SHROOM2: variants seen among roughly 807,000 people sequenced by gnomAD.
The protein encoded by SHROOM2 is protein Shroom2.
A neutral mutation model predicts 75.9 loss-of-function variants in SHROOM2; 33 were observed. The observed-to-expected ratio is 0.43, with a 90% CI of 0.33 to 0.58. The LOEUF (loss-of-function observed/expected upper bound fraction) is 0.58. Among genes scored for constraint, SHROOM2 ranks in the 20% least tolerant of loss-of-function variants. SHROOM2 has a pLI of 0.04. For synonymous variants in SHROOM2, 655 were observed against 663.6 expected, an observed-to-expected ratio of 0.99 and a Z score of 0.20; for missense variants, 1,434 against 1,461.2, an observed-to-expected ratio of 0.98 and a Z score of 0.30.
intron 6 of SHROOM2, among the ~76,000 whole-genome samples, chrX:9,936,722 G>A (rs1182986346): frequency 8.9e-6 from 1 of 112,048 alleles, no homozygotes; most frequent in East Asian, 2.8e-4. Flanking sequence ...AAGGACGGAT[G>A]GGAATCCTGG....
intron 1 of SHROOM2, among the ~76,000 whole-genome samples, chrX:9,827,041 G>A (rs1382861762): frequency 9.1e-6 from 1 of 109,933 alleles, no homozygotes; most frequent in Non-Finnish European, 1.9e-5. Flanking sequence ...GTGAAACCTT[G>A]GCTGTGCTCC....
intron 1 of SHROOM2, among the ~76,000 whole-genome samples, chrX:9,872,243 T>C (rs1168062089): frequency 1.8e-5 from 2 of 112,616 alleles, no homozygotes; most frequent in Non-Finnish European, 3.8e-5. Context: ...TCTACTTTAC[T>C]GTATAGGAAA....
chrX:9,886,166 G>A (rs2084259894), intron 2 of SHROOM2, among the ~76,000 whole-genome samples: 1 of 111,824 alleles, frequency 8.9e-6, no homozygotes, highest in South Asian at 3.7e-4. Flanking sequence ...ATTTTCTGAA[G>A]GCATGGAAGT....
intron 5 of SHROOM2, among the ~76,000 whole-genome samples, chrX:9,903,470 A>G (rs2084375358): frequency 8.9e-6 from 1 of 112,164 alleles, no homozygotes; most frequent in South Asian, 3.7e-4. Flanking sequence ...TAACACCCTC[A>G]CCCCAGAAGG....
At chrX:9,855,295 TAAAAAAA>T (rs57235424) in intron 1 of SHROOM2, among the ~76,000 whole-genome samples, 10 of 39,297 alleles carry the variant, frequency 2.5e-4, no homozygotes, top group Admixed American at 1.3e-3. Flanking sequence ...TAAAGTATAG[TAAAAAAA>T]AAAAAAAAAA....
chrX:9,929,555 C>T (rs868178202), intron 5 of SHROOM2, among the ~76,000 whole-genome samples: 29 of 111,747 alleles, frequency 2.6e-4, no homozygotes, highest in African/African-American at 9.1e-4. Context: ...TGTCATTGTT[C>T]ACTTCTCACA....
At chrX:9,810,226 T>G (rs992697405) in intron 1 of SHROOM2, among the ~76,000 whole-genome samples, 7 of 107,328 alleles carry the variant, frequency 6.5e-5, no homozygotes, top group Non-Finnish European at 1.3e-4. Context: ...TGGTTGTGTG[T>G]TTTTTTTTGC....
At position 9,937,339 on chromosome X, in the gene SHROOM2, C is replaced by A; in HGVS notation, c.3793C>A (p.Arg1265=). ...CTACTCGCGCTTCTGTCTGTACACG[C>A]GGCAGGGTGCTGAGCCCGAGGCCCC... ...QFYSRFCLYT[R]QGAEPEAPHR... is the part of the protein sequence containing the mutation. Residue 1265 remains arginine (R), a synonymous_variant, in exon 7 of 10, where the codon CGG becomes AGG. Transcript: ENST00000380913. 1 of 1,205,066 alleles carries A rather than the reference C, an allele frequency of 8.3e-7. No individual in the cohort carries two copies. The highest frequency in any genetic ancestry group is 1.7e-5 in the African/African-American group (1 of 57,623).
At chrX:9,850,855 C>T (rs867854894) in intron 1 of SHROOM2, among the ~76,000 whole-genome samples, 1 of 92,275 alleles carries the variant, frequency 1.1e-5, no homozygotes, top group Non-Finnish European at 2.2e-5. Flanking sequence ...AAAGAGAAAA[C>T]AAACAGAAAA....
chrX:9,808,588 G>A lies in SHROOM2; in HGVS notation c.165+21878G>A, dbSNP rs767570709. Among the ~76,000 whole-genome samples, 14 of 110,144 alleles carry A rather than the reference G, an allele frequency of 1.3e-4. No homozygotes were observed. In the East Asian group the frequency reaches 1.4e-3, roughly 11 times the overall value. Reference sequence around the variant, plus strand: ...AAATAAGTGGATATAATGGTTGGGCGCAGTGGTTCACGCCTGTAATCCCAG... The same window carrying A: ...AAATAAGTGGATATAATGGTTGGGCACAGTGGTTCACGCCTGTAATCCCAG... On this transcript the variant is annotated intron_variant, in intron 1 of 9. Coordinates refer to ENST00000380913, the MANE Select transcript of SHROOM2 (RefSeq NM_001649.4).
chrX:9,810,085 G>A (rs756095455), intron 1 of SHROOM2, among the ~76,000 whole-genome samples: 1 of 112,587 alleles, frequency 8.9e-6, no homozygotes, highest in African/African-American at 3.2e-5. Context: ...TTTAGCAAAA[G>A]GAGGAGGAAA....
At chrX:9,906,945 G>A (rs1258082113) in intron 5 of SHROOM2, among the ~76,000 whole-genome samples, 1 of 111,861 alleles carries the variant, frequency 8.9e-6, no homozygotes, top group Non-Finnish European at 1.9e-5. Flanking sequence ...CCGTGATAGC[G>A]CAAAAGCAGC....
chrX:9,906,615 T>A (rs1353746431), intron 5 of SHROOM2, among the ~76,000 whole-genome samples: 2 of 111,549 alleles, frequency 1.8e-5, no homozygotes, highest in African/African-American at 6.5e-5. Flanking sequence ...GCCAACATGG[T>A]GAAACCCCGT....
Position 9,827,466 on chromosome X carries a change from C to T in SHROOM2, c.165+40756C>T, listed in dbSNP as rs1316742542. Among the ~76,000 whole-genome samples the T allele has an allele frequency of 6.4e-5, 7 of 109,056 alleles. No homozygotes were observed. The East Asian group carries it at 1.8e-3, about 27-fold the overall frequency. 94.7% of individuals were successfully genotyped at this position (109,056 alleles called of 115,157 possible). A position where few individuals can be genotyped will look rare whatever the true frequency, so the allele number is the denominator to read the frequency against. ...AGCTCATGGTGAACATTGAGTCCCC[C>T]CGGCCAGGGGCCTGCCTGAGTTTAA... On this transcript the variant is annotated intron_variant, in intron 1 of 9. Coordinates refer to ENST00000380913, the MANE Select transcript of SHROOM2 (RefSeq NM_001649.4).
intron 1 of SHROOM2, among the ~76,000 whole-genome samples, chrX:9,821,464 T>C (rs1025369781): frequency 2.7e-5 from 3 of 111,118 alleles, no homozygotes; most frequent in Non-Finnish European, 3.8e-5. Context: ...ATGGGAGCAG[T>C]TGTGGCTTTT....
rs56026461 is a variant in SHROOM2 at position 9,897,680 on chromosome X, C to CAAAA, written c.2791-493_2791-490dup. Among the ~76,000 whole-genome samples the CAAAA allele has an allele frequency of 1.8e-3, 129 of 70,404 alleles. 3 individuals are homozygous for CAAAA. Among genetic ancestry groups the CAAAA allele is most frequent in the African/African-American group, 4.8e-3 (80 of 16,625 alleles). 61.1% of individuals were successfully genotyped at this position (70,404 alleles called of 115,157 possible). A position where few individuals can be genotyped will look rare whatever the true frequency, so the allele number is the denominator to read the frequency against. On this transcript the variant is annotated intron_variant, in intron 4 of 9. Transcript: ENST00000380913. Reference sequence around the variant, plus strand: ...TGGGCAAAAGAGCAAGACCCTGTCTCAAAAAAAAAAAAAAAAAAAAGAACC... The same window carrying CAAAA: ...TGGGCAAAAGAGCAAGACCCTGTCTCAAAAAAAAAAAAAAAAAAAAAAAAGAACC...
chrX:9,805,919 A>T (rs1195252644), intron 1 of SHROOM2, among the ~76,000 whole-genome samples: 1 of 107,080 alleles, frequency 9.3e-6, no homozygotes, highest in Non-Finnish European at 1.9e-5. Context: ...AAAAAAAAAA[A>T]CAAAAACAAG....
At position 9,873,768 on chromosome X, in the gene SHROOM2, G is replaced by A; in HGVS notation, c.282G>A (p.Lys94=). The change falls in exon 2 of 10, where the codon AAG becomes AAA. Residue 94 remains lysine (K), a synonymous_variant. Transcript: ENST00000380913. ...GACAGGAAGCGATTTGCCTGGTGAA[G>A]GGGTCCCATAAGACCCTGAAGCTGG... is the stretch of plus-strand genomic sequence containing the variant. ...GFRQEAICLV[K]GSHKTLKLVV... 1 of 1,211,451 alleles carries A rather than the reference G, an allele frequency of 8.3e-7. No homozygotes were observed. The highest frequency in any genetic ancestry group is 1.8e-5 in the South Asian group (1 of 56,968).
At chrX:9,859,440 T>C (rs1393086547) in intron 1 of SHROOM2, among the ~76,000 whole-genome samples, 1 of 111,743 alleles carries the variant, frequency 8.9e-6, no homozygotes, top group Non-Finnish European at 1.9e-5. Flanking sequence ...AGTCTTGTTG[T>C]GGGATGAGAA....
Sources: gnomAD v4.1 joint callset for allele counts (sites outside exome capture counted in the v4.1 genomes callset) on GRCh38, gnomAD v4.1.1 for gene constraint, MANE v1.5 for transcripts, NCBI Gene and HGNC (gene_info 2026-07-23, HGNC 2026-07-21) for gene names.